TCTN2: variants seen among roughly 807,000 people sequenced by gnomAD.
The protein encoded by TCTN2 is tectonic family member 2.
In TCTN2, 66 loss-of-function variants were observed where a neutral mutation model predicts 83.4. The observed-to-expected ratio is 0.79, with a 90% confidence interval of 0.65 to 0.97. TCTN2 has a LOEUF of 0.97. Among genes scored for constraint, TCTN2 ranks in the 50% least tolerant of loss-of-function variants. The probability of loss-of-function intolerance (pLI) is 0.00; values close to 1 mark genes in which losing one functional copy is unlikely to be tolerated. For synonymous variants in TCTN2, 301 were observed against 326.7 expected (o/e 0.92, Z 0.85); for missense variants, 794 against 858.1 (o/e 0.93, Z 0.93).
chr12:123,688,851 G>A (rs1384794248), intron 7 of TCTN2, among the ~76,000 whole-genome samples: 1 of 151,908 alleles, frequency 6.6e-6, no homozygotes, highest in Admixed American at 6.6e-5. Flanking sequence ...TGCCTCCCGG[G>A]TTCAAGCGAT....
intron 1 of TCTN2, 43 bp downstream of exon 1, chr12:123,671,365 G>A: frequency 6.2e-7 from 1 of 1,607,576 alleles, no homozygotes; most frequent in Non-Finnish European, 8.5e-7. Context: ...CGGGGCTGAG[G>A]GGACTGGGCG....
intron 4 of TCTN2, among the ~76,000 whole-genome samples, chr12:123,674,820 G>A (rs1955801440): frequency 6.6e-6 from 1 of 152,294 alleles, no homozygotes; most frequent in African/African-American, 2.4e-5. Flanking sequence ...GAGCGTAGGA[G>A]TTTGAGGCTG....
At position 123,688,100 on chromosome 12, in the gene TCTN2, A is replaced by C; in HGVS notation, c.814A>C (p.Lys272Gln). ...SFEVYVDTDA[K>Q]DFADFGYKQG... The stretch of plus-strand genomic sequence containing the variant: ...TGAAGTATATGTGGATACTGACGCA[A>C]AAGACTTTGCAGACTTTGGTTACAA... Residue 272 changes from lysine (K) to glutamine (Q), a missense_variant, in exon 7 of 18, where the codon AAA becomes CAA. By Grantham distance (53) the Lys-to-Gln change is moderately conservative. Transcript: ENST00000303372. 1.2e-6 allele frequency: 2 copies of C among 1,614,204 alleles called. No homozygotes were observed. Among genetic ancestry groups the C allele is most frequent in the Non-Finnish European group, 1.7e-6 (2 of 1,180,014 alleles).
intron 10 of TCTN2, 60 bp from the exon 11 acceptor site, chr12:123,695,160 G>A (rs1956092294): frequency 6.5e-6 from 9 of 1,391,638 alleles, no homozygotes; most frequent in Non-Finnish European, 8.1e-6. Context: ...ACACTATGGA[G>A]AATAATTTCT....
intron 13 of TCTN2, among the ~76,000 whole-genome samples, chr12:123,698,619 T>C (rs1348871248): frequency 6.6e-6 from 1 of 151,968 alleles, no homozygotes; most frequent in African/African-American, 2.4e-5. Flanking sequence ...TTTGTAGAGA[T>C]GGGGTTTCAC....
intron 4 of TCTN2, among the ~76,000 whole-genome samples, chr12:123,677,671 C>T (rs551151623): frequency 5.9e-5 from 9 of 152,284 alleles, no homozygotes; most frequent in Non-Finnish European, 1.2e-4. Flanking sequence ...GAGCTGCTTT[C>T]TCTGGCCTTG....
Position 123,699,811 on chromosome 12 carries a change from G to C in TCTN2, c.1612+1G>C. On this transcript the variant is annotated splice_donor_variant, in intron 14 of 17. Transcript: ENST00000303372. LOFTEE classifies it high-confidence loss of function. ...AGTGATGGCTGGCTCGAAATAATACGTAAGTCAAACCCGGGTACAATAAAG... is the reference window on the plus strand; with the variant it reads ...AGTGATGGCTGGCTCGAAATAATACCTAAGTCAAACCCGGGTACAATAAAG... The C allele has an allele frequency of 6.2e-7, 1 of 1,613,010 alleles. No homozygotes were observed. Among genetic ancestry groups the C allele is most frequent in the Middle Eastern group, 1.7e-4 (1 of 6,060 alleles).
intron 5 of TCTN2, among the ~76,000 whole-genome samples, chr12:123,685,430 T>G (rs948042958): frequency 7.9e-5 from 12 of 152,154 alleles, no homozygotes; most frequent in Admixed American, 5.2e-4. Flanking sequence ...AAGTAACTTC[T>G]TTTTTCGAGA....
chr12:123,684,179 A>G (rs1442109252), intron 5 of TCTN2, among the ~76,000 whole-genome samples: 2 of 152,160 alleles, frequency 1.3e-5, no homozygotes, highest in Non-Finnish European at 2.9e-5. Context: ...GGAGATAAGT[A>G]CACACCCATG....
In TCTN2 at chr12:123,673,758, A is replaced by T; in HGVS notation, c.411A>T (p.Leu137=). 6.2e-7 allele frequency: 1 copy of T among 1,614,094 alleles called. No individual in the cohort carries two copies. Among genetic ancestry groups the T allele is most frequent in the Non-Finnish European group, 8.5e-7 (1 of 1,180,012 alleles). ...ASHNSSCSAH[L]LIQVEIYANS... is the part of the protein sequence containing the mutation. ...ATAATTCATCCTGTTCAGCACATCTACTCATTCAAGTGGAAATTTATGCCA... is the reference window on the plus strand; with the variant it reads ...ATAATTCATCCTGTTCAGCACATCTTCTCATTCAAGTGGAAATTTATGCCA... Residue 137 remains leucine, a synonymous_variant, in exon 4 of 18, where the codon CTA becomes CTT. Transcript: ENST00000303372.
intron 5 of TCTN2, among the ~76,000 whole-genome samples, chr12:123,681,636 T>C (rs1347532037): frequency 6.6e-6 from 1 of 152,192 alleles, no homozygotes; most frequent in Non-Finnish European, 1.5e-5. Context: ...TTCTTATCTA[T>C]TTATTGGCTA....
chr12:123,674,814 G>T (rs184773232), intron 4 of TCTN2, among the ~76,000 whole-genome samples: 132 of 152,236 alleles, frequency 8.7e-4, no homozygotes, highest in African/African-American at 3.0e-3. Context: ...TCGCTTGAGC[G>T]TAGGAGTTTG....
chr12:123,695,221 G>A lies in TCTN2; in HGVS notation c.1236G>A (p.Gly412=). 6.5e-7 allele frequency: 1 copy of A among 1,547,108 alleles called. No individual in the cohort carries two copies. The highest frequency in any genetic ancestry group is 8.9e-7 in the Non-Finnish European group (1 of 1,119,550). Residue 412 remains glycine (G), a splice_region_variant and synonymous_variant, in exon 11 of 18, where the codon GGG becomes GGA. Transcript: ENST00000303372. Reference sequence around the variant, plus strand: ...TATTTTATTTTGTTTTATTTCTAGGGATAATGACACAGAGATTTGTAGTAA... The same window carrying A: ...TATTTTATTTTGTTTTATTTCTAGGAATAATGACACAGAGATTTGTAGTAA... The part of the protein sequence containing the change: ...FRAEINAHQK[G]IMTQRFVVKF...
chr12:123,692,802 T>G, intron 9 of TCTN2, 79 bp downstream of exon 9: 1 of 1,112,488 alleles, frequency 9.0e-7, no homozygotes, highest in Non-Finnish European at 1.4e-6. Context: ...ACCCTCAGAG[T>G]GTATATTTTT....
intron 14 of TCTN2, among the ~76,000 whole-genome samples, chr12:123,701,061 A>G (rs950840312): frequency 6.6e-6 from 1 of 152,358 alleles, no homozygotes; most frequent in Admixed American, 6.5e-5. Context: ...GAATACAGGC[A>G]TTTGAGAATT....
intron 8 of TCTN2, among the ~76,000 whole-genome samples, chr12:123,691,739 GT>G (rs1016993888): frequency 2.0e-5 from 3 of 148,762 alleles, no homozygotes; most frequent in Non-Finnish European, 3.0e-5. Flanking sequence ...TGTTTTTTTG[GT>G]TTTTTTTTTG....
chr12:123,701,891 C>T (rs1005117780), intron 14 of TCTN2, among the ~76,000 whole-genome samples: 6 of 152,134 alleles, frequency 3.9e-5, no homozygotes, highest in African/African-American at 1.2e-4. Flanking sequence ...AAAAGATATA[C>T]CACATGTACA....
intron 5 of TCTN2, among the ~76,000 whole-genome samples, chr12:123,681,510 TTTC>T (rs1358534117): frequency 6.6e-6 from 1 of 152,254 alleles, no homozygotes; most frequent in African/African-American, 2.4e-5. Context: ...CTTCAGTGAC[TTTC>T]TTCTTGCACT....
At chr12:123,695,587 T>A in intron 11 of TCTN2, 1 of 51,622 alleles carries the variant, frequency 1.9e-5, no homozygotes, top group Non-Finnish European at 3.9e-5. Flanking sequence ...ATGCCTGGCT[T>A]TTTTTTTTTT....
Sources: gnomAD v4.1 joint callset for allele counts (sites outside exome capture counted in the v4.1 genomes callset) on GRCh38, gnomAD v4.1.1 for gene constraint, MANE v1.5 for transcripts, NCBI Gene and HGNC (gene_info 2026-07-23, HGNC 2026-07-21) for gene names.